The following TNNI3K variants were observed in gnomAD, a reference collection of about 807,000 sequenced individuals.
TNNI3K encodes the protein serine/threonine-protein kinase TNNI3K.
A neutral mutation model predicts 114.5 loss-of-function variants in TNNI3K; 140 were observed. The ratio of observed to expected loss-of-function variants is 1.22; its 90% CI spans 1.07 to 1.41. The LOEUF (loss-of-function observed/expected upper bound fraction) is 1.41. Among genes scored for constraint, TNNI3K ranks in the 40% most tolerant of loss-of-function variants. TNNI3K has a pLI of 0.00. For synonymous variants in TNNI3K, 347 were observed against 347.5 expected, an observed-to-expected ratio of 1.00 and a Z score of 0.02; for missense variants, 1,125 against 1,007.6, an observed-to-expected ratio of 1.12 and a Z score of -1.58.
chr1:74,323,207 C>T (rs1358826241), intron 5 of TNNI3K, among the ~76,000 whole-genome samples: 2 of 152,060 alleles, frequency 1.3e-5, no homozygotes, highest in African/African-American at 4.8e-5. Context: ...GAACTTTCTG[C>T]AATGGGAAGG....
chr1:74,395,052 A>T (rs1664007204), intron 17 of TNNI3K, among the ~76,000 whole-genome samples: 1 of 151,884 alleles, frequency 6.6e-6, no homozygotes, highest in Middle Eastern at 3.4e-3. Flanking sequence ...TCAAAAAAAA[A>T]AAAAAGAGAA....
intron 4 of TNNI3K, among the ~76,000 whole-genome samples, chr1:74,262,666 C>T (rs1170849401): frequency 6.6e-6 from 1 of 151,920 alleles, no homozygotes; most frequent in African/African-American, 2.4e-5. Flanking sequence ...AAAATTTTTA[C>T]TCATAAATTA....
intron 21 of TNNI3K, chr1:74,483,184 G>A (rs1668588353): frequency 1.4e-6 from 1 of 697,150 alleles, no homozygotes; most frequent in Non-Finnish European, 2.7e-6. Context: ...CCAGAGAACA[G>A]TCAGTACAAT....
At chr1:74,390,475 G>C (rs1407817057) in intron 17 of TNNI3K, among the ~76,000 whole-genome samples, 1 of 152,148 alleles carries the variant, frequency 6.6e-6, no homozygotes, top group Non-Finnish European at 1.5e-5. Context: ...CTCTTTGGAA[G>C]TGATATATTC....
chr1:74,541,269 A>C (rs529763543), intron 24 of TNNI3K, among the ~76,000 whole-genome samples: 1 of 152,282 alleles, frequency 6.6e-6, no homozygotes, highest in African/African-American at 2.4e-5. Context: ...TCATTACCTA[A>C]GGCATTAGAA....
chr1:74,238,707 G>A (rs1029176764), intron 2 of TNNI3K, among the ~76,000 whole-genome samples: 1 of 152,058 alleles, frequency 6.6e-6, no homozygotes, highest in Non-Finnish European at 1.5e-5. Context: ...CAAATTTACT[G>A]AGGATAATGG....
At chr1:74,496,188 T>C (rs1022061785) in intron 23 of TNNI3K, among the ~76,000 whole-genome samples, 4 of 152,128 alleles carry the variant, frequency 2.6e-5, no homozygotes, top group Admixed American at 6.6e-5. Context: ...AAGAGAATGA[T>C]ACGATGCTAA....
intron 5 of TNNI3K, among the ~76,000 whole-genome samples, chr1:74,283,385 C>A (rs1334402246): frequency 6.6e-6 from 1 of 152,152 alleles, no homozygotes; most frequent in Non-Finnish European, 1.5e-5. Flanking sequence ...GGTCTCAGAG[C>A]AATTCTTTAA....
intron 23 of TNNI3K, among the ~76,000 whole-genome samples, chr1:74,503,204 G>A (rs1470756095): frequency 6.6e-6 from 1 of 152,074 alleles, no homozygotes; most frequent in Non-Finnish European, 1.5e-5. Flanking sequence ...GTTTTTCAGG[G>A]CCAGAAATGA....
chr1:74,541,021 G>T (rs1212654032), intron 24 of TNNI3K, among the ~76,000 whole-genome samples: 1 of 152,172 alleles, frequency 6.6e-6, no homozygotes, highest in Non-Finnish European at 1.5e-5. Flanking sequence ...CAACCTTTAA[G>T]CCTGAGAGGC....
At chr1:74,306,248 T>G (rs566861767) in intron 5 of TNNI3K, among the ~76,000 whole-genome samples, 52 of 152,344 alleles carry the variant, frequency 3.4e-4, no homozygotes, top group African/African-American at 1.2e-3. Flanking sequence ...ATGGTACATA[T>G]GTACCACATT....
intron 20 of TNNI3K, among the ~76,000 whole-genome samples, chr1:74,451,688 T>TTTTCTTTTCC (rs1667015583): frequency 2.9e-5 from 1 of 34,324 alleles, no homozygotes; most frequent in Non-Finnish European, 7.2e-5. Flanking sequence ...TTTTCTTTTC[T>TTTTCTTTTCC]TTCTTTCTTT....
At chr1:74,249,993 C>T (rs902339966) in intron 3 of TNNI3K, among the ~76,000 whole-genome samples, 1 of 152,148 alleles carries the variant, frequency 6.6e-6, no homozygotes, top group Non-Finnish European at 1.5e-5. Context: ...TTGGCCTACA[C>T]TTTAGTTTGT....
At chr1:74,256,283 C>CTTTTTTTT (rs61636791) in intron 4 of TNNI3K, among the ~76,000 whole-genome samples, 44 of 42,782 alleles carry the variant, frequency 1.0e-3, no homozygotes, top group Non-Finnish European at 1.6e-3. Context: ...TGTGGTCAGT[C>CTTTTTTTT]TTTTTTTTTT....
At chr1:74,361,658 A>G (rs1661973630) in intron 11 of TNNI3K, among the ~76,000 whole-genome samples, 1 of 152,080 alleles carries the variant, frequency 6.6e-6, no homozygotes, top group African/African-American at 2.4e-5. Context: ...TGGGTTAACA[A>G]TAAGTACTAT....
intron 20 of TNNI3K, among the ~76,000 whole-genome samples, chr1:74,458,902 C>T (rs760909682): frequency 1.2e-4 from 19 of 152,186 alleles, no homozygotes; most frequent in Non-Finnish European, 2.2e-4. Context: ...TCAACTTGCC[C>T]CTCTCTCTCC....
At chr1:74,484,843 C>A (rs951982726) in intron 21 of TNNI3K, among the ~76,000 whole-genome samples, 3 of 152,110 alleles carry the variant, frequency 2.0e-5, no homozygotes, top group African/African-American at 4.8e-5. Flanking sequence ...GGTCTGATGT[C>A]TATTTTTAAA....
chr1:74,412,177 A>G (rs936315838), intron 17 of TNNI3K, among the ~76,000 whole-genome samples: 5 of 152,114 alleles, frequency 3.3e-5, no homozygotes, highest in African/African-American at 1.2e-4. Context: ...TCTTCCTCAC[A>G]TCTAATTAAA....
chr1:74,237,000 A>G (rs1453463601), intron 2 of TNNI3K, among the ~76,000 whole-genome samples: 6 of 151,914 alleles, frequency 3.9e-5, no homozygotes, highest in Admixed American at 3.3e-4. Flanking sequence ...AACTCCCTCT[A>G]TTTTACTTAG....
Sources: allele counts gnomAD v4.1 joint callset (sites outside exome capture counted in the v4.1 genomes callset), GRCh38; gene constraint gnomAD v4.1.1; transcripts MANE v1.5; gene names NCBI Gene and HGNC (gene_info 2026-07-23, HGNC 2026-07-21).